The following SLC26A7 variants were observed in gnomAD, a reference collection of about 807,000 sequenced individuals.
The protein encoded by SLC26A7 is solute carrier family 26 member 7.
Under a neutral mutation model 82.5 loss-of-function variants are expected in SLC26A7, and 59 were observed. That is an observed-to-expected ratio of 0.72 (90% CI 0.58 to 0.89). SLC26A7 has a LOEUF of 0.89. SLC26A7 is among the 40% of genes least tolerant of loss of function. The probability of loss-of-function intolerance (pLI) is 0.00; values close to 1 mark genes in which losing one functional copy is unlikely to be tolerated. For synonymous variants in SLC26A7, 271 were observed against 274.3 expected (o/e 0.99, Z 0.12); for missense variants, 820 against 793.0 (o/e 1.03, Z -0.41).
chr8:91,305,919 C>T (rs1812291864), intron 4 of SLC26A7, among the ~76,000 whole-genome samples: 1 of 152,058 alleles, frequency 6.6e-6, no homozygotes, highest in South Asian at 2.1e-4. Flanking sequence ...TCAATCCTAC[C>T]AAAGCACAGC....
chr8:91,335,547 C>T (rs929311786), intron 6 of SLC26A7, among the ~76,000 whole-genome samples: 5 of 152,096 alleles, frequency 3.3e-5, no homozygotes, highest in African/African-American at 1.2e-4. Context: ...GAAGCTATAT[C>T]GCATGTTTCA....
intron 15 of SLC26A7, among the ~76,000 whole-genome samples, chr8:91,385,212 A>C (rs1814769283): frequency 6.6e-6 from 1 of 152,164 alleles, no homozygotes; most frequent in Admixed American, 6.6e-5. Context: ...TCCTTTGCAC[A>C]TGCTCCAAGC....
intron 4 of SLC26A7, among the ~76,000 whole-genome samples, chr8:91,299,680 A>G (rs1334131316): frequency 2.6e-5 from 4 of 152,060 alleles, no homozygotes; most frequent in Admixed American, 6.5e-5. Context: ...ACCCTGTTTT[A>G]TGGAGACTTT....
chr8:91,222,750 A>T (rs757308515), intron 2 of SLC26A7, among the ~76,000 whole-genome samples: 3 of 152,184 alleles, frequency 2.0e-5, no homozygotes, highest in Non-Finnish European at 4.4e-5. Context: ...TATTGGATTC[A>T]GTTTGCCAGT....
Position 91,395,347 on chromosome 8 carries a change from AG to A in SLC26A7, c.*253del. On this transcript the variant is annotated 3_prime_UTR_variant, in exon 19 of 19. Transcript: ENST00000276609. ...TATGTGTTTAGTTTTAGTGTACTGAAGGGTAAACATGGTTTTATTTTATTTT... is the reference window on the plus strand; with the variant it reads ...TATGTGTTTAGTTTTAGTGTACTGAAGGTAAACATGGTTTTATTTTATTTT... 1.3e-6 allele frequency: 1 copy of A among 790,846 alleles called. No individual in the cohort carries two copies. The highest frequency in any genetic ancestry group is 1.7e-6 in the Non-Finnish European group (1 of 581,000). 49.0% of individuals were successfully genotyped at this position (790,846 alleles called of 1,614,324 possible). A position where few individuals can be genotyped will look rare whatever the true frequency, so the allele number is the denominator to read the frequency against.
chr8:91,246,283 C>A (rs1810543003), upstream of SLC26A7, among the ~76,000 whole-genome samples: 2 of 152,132 alleles, frequency 1.3e-5, no homozygotes, highest in African/African-American at 2.4e-5. Context: ...AGAAGCAAAG[C>A]AATTTATGTG....
At chr8:91,218,857 G>A in intron 1 of SLC26A7, 1 of 1,348,496 alleles carries the variant, frequency 7.4e-7, no homozygotes, top group South Asian at 1.3e-5. Flanking sequence ...ATTGAACACT[G>A]CCTAAATTTT....
chr8:91,269,329 A>G (rs1179457735), intron 2 of SLC26A7, among the ~76,000 whole-genome samples: 1 of 152,020 alleles, frequency 6.6e-6, no homozygotes, highest in African/African-American at 2.4e-5. Context: ...TCTCTCCTTC[A>G]CATTTGAAGG....
intron 2 of SLC26A7, 100 bp from the exon 3 acceptor site, chr8:91,289,036 A>G: frequency 1.4e-6 from 1 of 736,752 alleles, no homozygotes; most frequent in East Asian, 2.5e-5. Flanking sequence ...ATAAAGTATG[A>G]TTCATTTTGT....
At chr8:91,314,463 G>A (rs1812575550) in intron 4 of SLC26A7, among the ~76,000 whole-genome samples, 2 of 152,154 alleles carry the variant, frequency 1.3e-5, no homozygotes, top group Admixed American at 6.5e-5. Flanking sequence ...TAAAATTTGA[G>A]TGGTGGGAAA....
chr8:91,252,633 C>A (rs1257181815), intron 2 of SLC26A7, among the ~76,000 whole-genome samples: 1 of 151,974 alleles, frequency 6.6e-6, no homozygotes, highest in Non-Finnish European at 1.5e-5. Flanking sequence ...ATGCTAATCA[C>A]CCCCTTCATG....
intron 5 of SLC26A7, among the ~76,000 whole-genome samples, chr8:91,330,024 C>T (rs1267905907): frequency 6.6e-6 from 1 of 152,046 alleles, no homozygotes; most frequent in East Asian, 1.9e-4. Context: ...ATTGTAGTAC[C>T]TACTTTTCTT....
At chr8:91,370,471 T>A (rs1814326315) in intron 15 of SLC26A7, among the ~76,000 whole-genome samples, 1 of 152,046 alleles carries the variant, frequency 6.6e-6, no homozygotes, top group African/African-American at 2.4e-5. Flanking sequence ...ATGAAATATA[T>A]CTTTGAATAC....
At chr8:91,317,198 C>T (rs967859076) in intron 4 of SLC26A7, among the ~76,000 whole-genome samples, 5 of 151,688 alleles carry the variant, frequency 3.3e-5, no homozygotes, top group Admixed American at 6.6e-5. Context: ...AGTTTTGCTG[C>T]TTCCTGTCAT....
At chr8:91,328,213 C>CT (rs1332239175) in intron 5 of SLC26A7, among the ~76,000 whole-genome samples, 1 of 151,846 alleles carries the variant, frequency 6.6e-6, no homozygotes, top group East Asian at 1.9e-4. Flanking sequence ...TTTACAGTGC[C>CT]TTTTTTAGAA....
chr8:91,358,797 T>C (rs1813958602), intron 11 of SLC26A7, among the ~76,000 whole-genome samples: 1 of 152,154 alleles, frequency 6.6e-6, no homozygotes, highest in Non-Finnish European at 1.5e-5. Flanking sequence ...TGGATGAAGC[T>C]GGAAACCATC....
At chr8:91,369,759 C>A in intron 14 of SLC26A7, 26 bp from the exon 15 acceptor site, 1 of 1,505,058 alleles carries the variant, frequency 6.6e-7, no homozygotes, top group Non-Finnish European at 9.0e-7. Flanking sequence ...TAACATTTTT[C>A]TTCTTTATGT....
intron 1 of SLC26A7, among the ~76,000 whole-genome samples, chr8:91,218,517 TAAG>T (rs1810098222): frequency 6.6e-6 from 1 of 152,166 alleles, no homozygotes; most frequent in African/African-American, 2.4e-5. Context: ...AGATACCCAT[TAAG>T]AAGTTCAGTA....
intron 8 of SLC26A7, 73 bp from the exon 9 acceptor site, chr8:91,343,280 G>C: frequency 3.1e-6 from 3 of 955,452 alleles, no homozygotes; most frequent in Non-Finnish European, 4.8e-6. Flanking sequence ...CTCATTATGT[G>C]ACAAATTGTA....
Sources: gnomAD v4.1 joint callset for allele counts (sites outside exome capture counted in the v4.1 genomes callset) on GRCh38, gnomAD v4.1.1 for gene constraint, MANE v1.5 for transcripts, NCBI Gene and HGNC (gene_info 2026-07-23, HGNC 2026-07-21) for gene names.